PRKN: variants seen among roughly 807,000 people sequenced by gnomAD.
PRKN encodes the protein parkin RBR E3 ubiquitin protein ligase.
In PRKN, 56 loss-of-function variants were observed where a neutral mutation model predicts 59.5. That is an observed-to-expected ratio of 0.94 (90% CI 0.76 to 1.18). PRKN has a LOEUF of 1.18. Among genes scored for constraint, PRKN ranks in the 50% most tolerant of loss-of-function variants. The probability of loss-of-function intolerance (pLI) is 0.00; values close to 1 mark genes in which losing one functional copy is unlikely to be tolerated. For synonymous variants in PRKN, 250 were observed against 222.1 expected (o/e 1.13, Z -1.12); for missense variants, 657 against 596.4 (o/e 1.10, Z -1.06).
At chr6:162,104,761 T>G (rs1780119514) in intron 4 of PRKN, among the ~76,000 whole-genome samples, 1 of 152,078 alleles carries the variant, frequency 6.6e-6, no homozygotes, top group South Asian at 2.1e-4. Flanking sequence ...TCAAGAAATG[T>G]TTCAGGAGTA....
At chr6:162,010,093 G>A (rs1314478363) in intron 5 of PRKN, among the ~76,000 whole-genome samples, 1 of 150,280 alleles carries the variant, frequency 6.7e-6, no homozygotes, top group African/African-American at 2.5e-5. Context: ...TTTAGAAATG[G>A]GAACAATGTC....
rs1583036558 is a variant in PRKN at position 161,413,642 on chromosome 6, G to A, written c.1084-26765C>T. On this transcript the variant is annotated intron_variant, in intron 9 of 11. Transcript: ENST00000366898. The surrounding 1 kb of genome is among the most constrained non-coding windows in gnomAD (Gnocchi z 4.4). ...AGCTCACAGAGGCATGGGCTGCACC[G>A]GGTCCCAGGGACACCTGAGCACGTC... Among the ~76,000 whole-genome samples, 1 of 152,090 alleles carries A rather than the reference G, an allele frequency of 6.6e-6. No individual in the cohort carries two copies. Among genetic ancestry groups the A allele is most frequent in the African/African-American group, 2.4e-5 (1 of 41,398 alleles).
In PRKN at chr6:162,225,426, T is replaced by G. The variant is rs12664209; in HGVS notation, c.413-24174A>C. On this transcript the variant is annotated intron_variant, in intron 3 of 11. Coordinates refer to ENST00000366898, the MANE Select transcript of PRKN (RefSeq NM_004562.3). ...TGAACTTGAGAAATTCAGGCTTACA[T>G]GTTATTGTGGTCTATTTTTAAAGCT... Among the ~76,000 whole-genome samples the G allele has an allele frequency of 4.9e-4, 75 of 152,240 alleles. 1 individual carries two copies. Among genetic ancestry groups the G allele is most frequent in the African/African-American group, 1.3e-3 (53 of 41,534 alleles).
intron 4 of PRKN, among the ~76,000 whole-genome samples, chr6:162,108,832 T>C (rs1415636829): frequency 2.0e-5 from 3 of 152,162 alleles, no homozygotes; most frequent in African/African-American, 7.2e-5. Flanking sequence ...CTAATTATAG[T>C]AGCAGTGACA....
intron 3 of PRKN, among the ~76,000 whole-genome samples, chr6:162,240,571 A>G (rs1334219299): frequency 6.7e-6 from 1 of 149,946 alleles, no homozygotes; most frequent in Non-Finnish European, 1.5e-5. Flanking sequence ...ATAAATATAG[A>G]AATATTAATT....
chr6:162,513,112 C>T (rs7764218), intron 1 of PRKN, among the ~76,000 whole-genome samples: 12,919 of 152,058 alleles, frequency 0.085, 595 homozygotes, highest in South Asian at 0.16. Flanking sequence ...GTTATTAAAA[C>T]GAGAGCCTGA....
intron 7 of PRKN, among the ~76,000 whole-genome samples, chr6:161,783,126 A>G (rs1445936058): frequency 6.6e-6 from 1 of 152,200 alleles, no homozygotes; most frequent in African/African-American, 2.4e-5. Flanking sequence ...AGTAAGGCAA[A>G]TGAGTAATTT....
At chr6:162,430,762 C>G (rs1410940023) in intron 2 of PRKN, among the ~76,000 whole-genome samples, 1 of 151,244 alleles carries the variant, frequency 6.6e-6, no homozygotes, top group Non-Finnish European at 1.5e-5. Flanking sequence ...TAGTACAGTC[C>G]TCTCTCTTTA....
intron 9 of PRKN, among the ~76,000 whole-genome samples, chr6:161,474,978 C>T (rs1384954096): frequency 6.6e-6 from 1 of 151,774 alleles, no homozygotes; most frequent in South Asian, 2.1e-4. Flanking sequence ...AATCTCGGCT[C>T]ACTGCAACCT....
intron 6 of PRKN, among the ~76,000 whole-genome samples, chr6:161,902,584 G>C (rs1777974871): frequency 2.4e-5 from 1 of 41,002 alleles, no homozygotes; most frequent in African/African-American, 1.2e-4. Flanking sequence ...TTTTGCGACA[G>C]AGTCTTGCTC....
intron 7 of PRKN, among the ~76,000 whole-genome samples, chr6:161,626,878 C>A (rs534193138): frequency 1.3e-5 from 2 of 152,284 alleles, no homozygotes; most frequent in South Asian, 2.1e-4. Flanking sequence ...ACCCTCCCCC[C>A]ACCACCCAGA....
intron 4 of PRKN, among the ~76,000 whole-genome samples, chr6:162,073,270 C>T (rs1778662199): frequency 6.6e-6 from 1 of 152,172 alleles, no homozygotes; most frequent in Non-Finnish European, 1.5e-5. Flanking sequence ...TAAAAGTGAA[C>T]TTAAAACACA....
chr6:161,520,226 ATTTTTTT>A (rs56073676), intron 9 of PRKN, among the ~76,000 whole-genome samples: 1 of 131,350 alleles, frequency 7.6e-6, no homozygotes, highest in Non-Finnish European at 1.6e-5. Context: ...CTCTCTATGC[ATTTTTTT>A]TTTTTTTTTG....
At chr6:161,881,714 C>T (rs1170814123) in intron 6 of PRKN, among the ~76,000 whole-genome samples, 1 of 152,160 alleles carries the variant, frequency 6.6e-6, no homozygotes, top group Admixed American at 6.5e-5. Flanking sequence ...TTAGAGCCTC[C>T]TGACACTGGG....
intron 7 of PRKN, among the ~76,000 whole-genome samples, chr6:161,764,358 C>T (rs1219644003): frequency 6.6e-6 from 1 of 152,184 alleles, no homozygotes; most frequent in East Asian, 1.9e-4. Context: ...TAGATACTGC[C>T]TATAAAATGG....
intron 1 of PRKN, among the ~76,000 whole-genome samples, chr6:162,528,323 GAA>G (rs35973128): frequency 7.4e-6 from 1 of 135,752 alleles, no homozygotes. Context: ...CGTCTCAAAA[GAA>G]AAAAAAAAAA....
intron 2 of PRKN, among the ~76,000 whole-genome samples, chr6:162,275,916 C>T (rs913987994): frequency 6.6e-6 from 1 of 152,202 alleles, no homozygotes; most frequent in Non-Finnish European, 1.5e-5. Flanking sequence ...GTGGCAGAGG[C>T]GCAAGAGTCT....
rs1445034529 is a variant in PRKN at position 161,626,011 on chromosome 6, A to T, written c.872-56595T>A. On this transcript the variant is annotated intron_variant, in intron 7 of 11. Coordinates refer to ENST00000366898, the MANE Select transcript of PRKN (RefSeq NM_004562.3). ...AGGCTGATTAAAAGCAGCAGTTTAC[A>T]TCTGTACATCATCTGATCTAATTTC... Among the ~76,000 whole-genome samples the T allele has an allele frequency of 2.6e-5, 4 of 152,232 alleles. No homozygotes were observed. The East Asian group carries it at 7.7e-4, about 29-fold the overall frequency.
chr6:162,539,696 A>C (rs1167387344), intron 1 of PRKN, among the ~76,000 whole-genome samples: 1 of 152,186 alleles, frequency 6.6e-6, no homozygotes, highest in Non-Finnish European at 1.5e-5. Flanking sequence ...TAACAGAAGA[A>C]AATCCCTATT....
Sources: allele counts gnomAD v4.1 joint callset (sites outside exome capture counted in the v4.1 genomes callset), GRCh38; gene constraint gnomAD v4.1.1; non-coding constraint Gnocchi (gnomAD v3.1); transcripts MANE v1.5; gene names NCBI Gene and HGNC (gene_info 2026-07-23, HGNC 2026-07-21).